TFE3: variants seen among roughly 807,000 people sequenced by gnomAD.
The protein encoded by TFE3 is transcription factor E3.
In TFE3, 5 loss-of-function variants were observed where a neutral mutation model predicts 35.0. That is an observed-to-expected ratio of 0.14 (90% CI 0.07 to 0.30). The LOEUF (loss-of-function observed/expected upper bound fraction) is 0.30, where lower values mean the gene tolerates loss of function less well. Among genes scored for constraint, TFE3 ranks in the 10% least tolerant of loss-of-function variants. TFE3 has a pLI of 1.00. For missense variants in TFE3, 374 were observed against 496.6 expected, an observed-to-expected ratio of 0.75 and a Z score of 2.35; for synonymous variants, 211 against 215.6, an observed-to-expected ratio of 0.98 and a Z score of 0.18.
chrX:49,037,676 G>A (rs2064737900), intron 5 of TFE3: 1 of 166,520 alleles, frequency 6.0e-6, no homozygotes, highest in South Asian at 1.5e-4. Flanking sequence ...TCTAGCCTGG[G>A]TGACAGAGCG....
Position 49,030,429 on chromosome X carries a change from T to G in TFE3, c.1457A>C (p.Asn486Thr), listed in dbSNP as rs986155885. ...TGCAGGGGGCTGCTGATGGGGAGCA[T>G]TCTGGGCAGGTCCCCCCCCTACATG... ...TFHVGGGPAQNAPHQQPPAPP... is the reference protein window; with the variant it reads ...TFHVGGGPAQTAPHQQPPAPP... The change falls in exon 10 of 10, where the codon AAT becomes ACT. Residue 486 changes from asparagine to threonine, a missense_variant. Physicochemically the swap from Asn to Thr is moderately conservative, Grantham distance 65 (BLOSUM62 0). Transcript: ENST00000315869. The G allele has an allele frequency of 3.3e-6, 4 of 1,210,956 alleles. No homozygotes were observed. In the South Asian group the frequency reaches 7.0e-5, roughly 21 times the overall value.
At chrX:49,039,465 A>G (rs782139708) in intron 2 of TFE3, 55 bp from the exon 3 acceptor site, 1 of 1,101,439 alleles carries the variant, frequency 9.1e-7, no homozygotes, top group African/African-American at 1.9e-5. Context: ...GTCTCATCCC[A>G]AGCCTAAAGG....
chrX:49,032,624 G>A (rs1194355463), intron 8 of TFE3, among the ~76,000 whole-genome samples: 1 of 110,261 alleles, frequency 9.1e-6, no homozygotes, highest in Non-Finnish European at 1.9e-5. Context: ...ACCCGCCTCG[G>A]CCTCCCAAAG....
chrX:49,035,741 T>G (rs1449241472), intron 5 of TFE3, among the ~76,000 whole-genome samples: 1 of 110,016 alleles, frequency 9.1e-6, no homozygotes, highest in Admixed American at 9.8e-5. Context: ...TCCAGTCTGG[T>G]GGATATAAGG....
At position 49,043,218 on chromosome X, in the gene TFE3, A is replaced by G; in HGVS notation, c.9T>C (p.His3=). Residue 3 remains histidine, a synonymous_variant, in exon 1 of 10, where the codon CAT becomes CAC. Transcript: ENST00000315869. Reference sequence around the variant, plus strand: ...CGCCATCCCGAGCTGGTTCGGCCGCATGAGACATGACGCCCGGCCCCGGGC... The same window carrying G: ...CGCCATCCCGAGCTGGTTCGGCCGCGTGAGACATGACGCCCGGCCCCGGGC... The part of the protein sequence containing the change: MS[H]AAEPARDGVE... 8.6e-7 allele frequency: 1 copy of G among 1,165,891 alleles called. No individual in the cohort carries two copies. The highest frequency in any genetic ancestry group is 1.1e-6 in the Non-Finnish European group (1 of 874,685).
At position 49,034,116 on chromosome X, in the gene TFE3, C is replaced by T; in HGVS notation, c.1003+18G>A. 8.4e-7 allele frequency: 1 copy of T among 1,187,737 alleles called. No individual in the cohort carries two copies. The highest frequency in any genetic ancestry group is 1.1e-6 in the Non-Finnish European group (1 of 873,478). On this transcript the variant is annotated intron_variant, in intron 6 of 9. Transcript: ENST00000315869. Reference sequence around the variant, plus strand: ...GGGGTAAAGTGTAGGGCCATGGGGCCAAGACCCTATCACCTACCAGAGATC... The same window carrying T: ...GGGGTAAAGTGTAGGGCCATGGGGCTAAGACCCTATCACCTACCAGAGATC...
At position 49,031,562 on chromosome X, in the gene TFE3, G is replaced by A; in HGVS notation, c.1137-18C>T. On this transcript the variant is annotated intron_variant, in intron 8 of 9. Coordinates refer to ENST00000315869, the MANE Select transcript of TFE3 (RefSeq NM_006521.6). ...GCATCTCCCTGTGGGGCCCAAGTGG[G>A]AGGCAAGCAGGAAATGCCACATGAG... 8.6e-7 allele frequency: 1 copy of A among 1,158,518 alleles called. No homozygotes were observed. Among genetic ancestry groups the A allele is most frequent in the Non-Finnish European group, 1.2e-6 (1 of 866,721 alleles).
intron 5 of TFE3, among the ~76,000 whole-genome samples, chrX:49,035,599 G>C (rs1387430430): frequency 6.7e-5 from 7 of 104,185 alleles, no homozygotes; most frequent in Non-Finnish European, 1.2e-4. Context: ...AGTAGAGACG[G>C]GGTTTCACTG....
rs782701013 is a variant in TFE3, at chrX:49,030,068, T to C, written c.*90A>G. On this transcript the variant is annotated 3_prime_UTR_variant, in exon 10 of 10. Coordinates refer to ENST00000315869, the MANE Select transcript of TFE3 (RefSeq NM_006521.6). ...CCCAGGATACCTGGGCAGGGCAGTC[T>C]CATGGGAGGGTGGGGGAAAAGGCGG... is the stretch of plus-strand genomic sequence containing the variant. The C allele has an allele frequency of 1.0e-6, 1 of 995,579 alleles. No homozygotes were observed. The highest frequency in any genetic ancestry group is 2.8e-5 in the Admixed American group (1 of 36,234). The allele number at this position is 995,579 out of a possible 1,213,427, so 82.0% of individuals were successfully genotyped here. A position where few individuals can be genotyped will look rare whatever the true frequency, so the allele number is the denominator to read the frequency against.
chrX:49,043,164 G>C lies in TFE3; in HGVS notation c.63C>G (p.Ala21=), dbSNP rs782367719. 1 of 1,188,793 alleles carries C rather than the reference G, an allele frequency of 8.4e-7. No homozygotes were observed. Among genetic ancestry groups the C allele is most frequent in the Non-Finnish European group, 1.1e-6 (1 of 887,133 alleles). The change falls in exon 1 of 10, where the codon GCC becomes GCG. Residue 21 remains alanine (A), a synonymous_variant. Transcript: ENST00000315869. ...TGCGCTCCTCCAACAGCACGAACAC[G>C]GCTCGAGGGCCCTCCGCGCTGGCCT... ...GVEASAEGPR[A]VFVLLEERRP... is the part of the protein sequence containing the mutation.
intron 5 of TFE3, among the ~76,000 whole-genome samples, chrX:49,034,949 G>C (rs1557074394): frequency 2.8e-5 from 1 of 35,607 alleles, no homozygotes; most frequent in Non-Finnish European, 6.4e-5. Context: ...CTTTATGTCA[G>C]CCTAGTTTTT....
chrX:49,031,374 A>C (rs782095573), intron 9 of TFE3, 23 bp downstream of exon 9: 61 of 1,170,288 alleles, frequency 5.2e-5, no homozygotes, highest in Non-Finnish European at 6.7e-5. Flanking sequence ...CTCTTCCCCC[A>C]CCACCATCTC....
chrX:49,043,306 C>G lies in TFE3; in HGVS notation c.-80G>C. The G allele has an allele frequency of 1.3e-6, 1 of 797,205 alleles. No homozygotes were observed. Among genetic ancestry groups the G allele is most frequent in the Non-Finnish European group, 1.7e-6 (1 of 579,998 alleles). 65.7% of individuals were successfully genotyped at this position (797,205 alleles called of 1,213,427 possible). On this transcript the variant is annotated 5_prime_UTR_variant, in exon 1 of 10. Coordinates refer to ENST00000315869, the MANE Select transcript of TFE3 (RefSeq NM_006521.6). ...CCTAACAAAATAAGAGTCCCCCCTC[C>G]CCCCAGCTCGCCACCGCCGCCTCCT...
At chrX:49,035,928 G>C (rs781889886) in intron 5 of TFE3, among the ~76,000 whole-genome samples, 1 of 110,602 alleles carries the variant, frequency 9.0e-6, no homozygotes, top group Non-Finnish European at 1.9e-5. Context: ...CCAGCACTTT[G>C]GGAGGCCGAG....
At chrX:49,034,762 C>T (rs1291468755) in intron 5 of TFE3, among the ~76,000 whole-genome samples, 3 of 111,892 alleles carry the variant, frequency 2.7e-5, no homozygotes, top group Non-Finnish European at 3.8e-5. Flanking sequence ...TGGAGAATTC[C>T]AACCTAATCT....
chrX:49,043,076 C>T, intron 1 of TFE3, 35 bp downstream of exon 1: 2 of 1,096,657 alleles, frequency 1.8e-6, no homozygotes, highest in Middle Eastern at 2.9e-4. Context: ...CCTGGGAGCC[C>T]CAGTCGGCAC....
chrX:49,033,705 T>G lies in TFE3; in HGVS notation c.1060+21A>C, dbSNP rs185587819. ...GCAGGCCTGCACAGCACCCGGGCAA[T>G]GCACACGCTCTCTGGCTTACTTAGG... is the stretch of plus-strand genomic sequence containing the variant. On this transcript the variant is annotated intron_variant, in intron 7 of 9. Coordinates refer to ENST00000315869, the MANE Select transcript of TFE3 (RefSeq NM_006521.6). The G allele has an allele frequency of 2.6e-5, 32 of 1,209,133 alleles. No homozygotes were observed. The African/African-American group carries it at 5.6e-4, about 21-fold the overall frequency.
At position 49,029,697 on chromosome X, in the gene TFE3, ACTC is replaced by A; in HGVS notation, c.*458_*460del. 1 of 434,155 alleles carries A rather than the reference ACTC, an allele frequency of 2.3e-6. No individual in the cohort carries two copies. Among genetic ancestry groups the A allele is most frequent in the South Asian group, 2.3e-5 (1 of 43,086 alleles). The allele number at this position is 434,155 out of a possible 1,213,427, so 35.8% of individuals were successfully genotyped here. On this transcript the variant is annotated 3_prime_UTR_variant, in exon 10 of 10. Coordinates refer to ENST00000315869, the MANE Select transcript of TFE3 (RefSeq NM_006521.6). Reference sequence around the variant, plus strand: ...CCAGGGCTGGGACCTCCATTACTTGACTCCTCTTCTGTGCCAGGACGGACTAGA... The same window carrying A: ...CCAGGGCTGGGACCTCCATTACTTGACTCTTCTGTGCCAGGACGGACTAGA...
In TFE3 at chrX:49,040,464, AG is replaced by A; in HGVS notation, c.220del (p.Leu74PhefsTer47). ...FYELKSQPLP[L>X]RSSLPISLQA... ...GACAAGTCATACATACCTTGAGCGA[AG>A]GGGTAAGGGTTGGCTTTTGAGCTCG... On this transcript the variant is annotated frameshift_variant, in exon 2 of 10. Coordinates refer to ENST00000315869, the MANE Select transcript of TFE3 (RefSeq NM_006521.6). LOFTEE classifies it high-confidence loss of function. 8.3e-7 allele frequency: 1 copy of A among 1,206,612 alleles called. No individual in the cohort carries two copies. The highest frequency in any genetic ancestry group is 1.1e-6 in the Non-Finnish European group (1 of 891,146).
Sources: allele counts gnomAD v4.1 joint callset (sites outside exome capture counted in the v4.1 genomes callset), GRCh38; gene constraint gnomAD v4.1.1; transcripts MANE v1.5; gene names NCBI Gene and HGNC (gene_info 2026-07-23, HGNC 2026-07-21).